Variants in TMEM245 observed in about 807,000 individuals in gnomAD.
The protein encoded by TMEM245 is protein CG-2.
Under a neutral mutation model 101.2 loss-of-function variants are expected in TMEM245, and 69 were observed. That is an observed-to-expected ratio of 0.68 (90% CI 0.56 to 0.83). The LOEUF (loss-of-function observed/expected upper bound fraction) is 0.83. Ranked by LOEUF, TMEM245 falls within the 40% of genes least tolerant of loss-of-function variation. The pLI, the probability that TMEM245 is intolerant of heterozygous loss-of-function variation, is 0.00. For missense variants in TMEM245, 1,075 were observed against 1,092.8 expected (o/e 0.98, Z 0.23); for synonymous variants, 537 against 449.8 (o/e 1.19, Z -2.45).
intron 17 of TMEM245, among the ~76,000 whole-genome samples, chr9:109,029,757 C>CAGCA (rs1025421222): frequency 1.9e-4 from 29 of 152,304 alleles, no homozygotes; most frequent in Admixed American, 9.1e-4. Flanking sequence ...GCCAAAAGGA[C>CAGCA]AGCACTCCAC....
chr9:109,095,498 T>G (rs1362456277), intron 3 of TMEM245, among the ~76,000 whole-genome samples: 1 of 152,180 alleles, frequency 6.6e-6, no homozygotes, highest in African/African-American at 2.4e-5. Context: ...TCAGTGTGTC[T>G]GGAACACAGA....
chr9:109,059,451 C>G (rs1828942175), intron 11 of TMEM245, among the ~76,000 whole-genome samples: 1 of 152,104 alleles, frequency 6.6e-6, no homozygotes, highest in South Asian at 2.1e-4. Context: ...CTCCTGCTAG[C>G]CCACAGGCCC....
chr9:109,051,826 C>A (rs903531531), intron 12 of TMEM245, among the ~76,000 whole-genome samples: 1 of 152,186 alleles, frequency 6.6e-6, no homozygotes, highest in Non-Finnish European at 1.5e-5. Flanking sequence ...GCCTAGCCCC[C>A]ACCCTTGCCA....
rs1026731294 is a variant in TMEM245 at position 109,092,545 on chromosome 9, A to C, written c.916+930T>G. Among the ~76,000 whole-genome samples, 33 of 152,250 alleles carry C rather than the reference A, an allele frequency of 2.2e-4. 1 individual carries two copies. The highest frequency in any genetic ancestry group is 1.6e-4 in the Non-Finnish European group (11 of 68,044). On this transcript the variant is annotated intron_variant, in intron 4 of 17. Coordinates refer to ENST00000374586, the MANE Select transcript of TMEM245 (RefSeq NM_032012.4). ...GATGGTGGGTGTGACAGATATTTGG[A>C]AGAATGAGTCCAAAACCAAAATATC...
intron 12 of TMEM245, among the ~76,000 whole-genome samples, chr9:109,051,470 T>C (rs987390221): frequency 6.6e-6 from 1 of 152,192 alleles, no homozygotes; most frequent in East Asian, 1.9e-4. Context: ...AGTGTACTGA[T>C]ACAAACCTAA....
At chr9:109,076,779 C>T (rs1176953342) in intron 8 of TMEM245, among the ~76,000 whole-genome samples, 3 of 152,194 alleles carry the variant, frequency 2.0e-5, no homozygotes, top group Non-Finnish European at 2.9e-5. Flanking sequence ...CAGTCTCCAC[C>T]TCCAAGGCTC....
intron 14 of TMEM245, among the ~76,000 whole-genome samples, chr9:109,041,826 G>A (rs1828318079): frequency 6.6e-6 from 1 of 151,882 alleles, no homozygotes; most frequent in Non-Finnish European, 1.5e-5. Context: ...TAAATATATA[G>A]CATTCATTTT....
intron 12 of TMEM245, among the ~76,000 whole-genome samples, chr9:109,052,445 A>G (rs1010497889): frequency 1.3e-5 from 2 of 152,216 alleles, no homozygotes; most frequent in African/African-American, 4.8e-5. Flanking sequence ...GCCCTTCCCA[A>G]AACAGCAGTT....
intron 8 of TMEM245, among the ~76,000 whole-genome samples, chr9:109,075,392 AGT>A (rs1264036681): frequency 6.6e-6 from 1 of 152,174 alleles, no homozygotes; most frequent in East Asian, 1.9e-4. Context: ...TGAGCTGACA[AGT>A]GTTACTTCTT....
At chr9:109,080,520 A>T (rs563152869) in intron 8 of TMEM245, among the ~76,000 whole-genome samples, 1 of 152,212 alleles carries the variant, frequency 6.6e-6, no homozygotes, top group Non-Finnish European at 1.5e-5. Context: ...ATTAGAATTC[A>T]TAAGACCAGA....
At position 109,069,478 on chromosome 9, in the gene TMEM245, T is replaced by C. The variant is rs546990786; in HGVS notation, c.1532+3878A>G. 3.9e-5 allele frequency among the ~76,000 whole-genome samples: 6 copies of C among 152,264 alleles called. No individual in the cohort carries two copies. In the South Asian group the frequency reaches 1.2e-3, roughly 32 times the overall value. ...CCCATTCTCCTTTTAAAATGTATTA[T>C]ATCCAAAGAGCCAGAGGACAGAAGA... On this transcript the variant is annotated intron_variant, in intron 9 of 17. Transcript: ENST00000374586.
intron 14 of TMEM245, among the ~76,000 whole-genome samples, chr9:109,040,835 T>G (rs1200014679): frequency 1.3e-5 from 2 of 152,118 alleles, no homozygotes; most frequent in African/African-American, 2.4e-5. Context: ...GCTTATCCAT[T>G]CACCAGCTGA....
At chr9:109,037,975 T>C in intron 15 of TMEM245, 42 bp downstream of exon 15, 2 of 1,482,252 alleles carry the variant, frequency 1.3e-6, no homozygotes, top group Non-Finnish European at 1.8e-6. Context: ...GGCTTAACTT[T>C]CCTTAAATAG....
rs1379283488 is a variant in TMEM245, at chr9:109,119,833, G to A, written c.81C>T (p.Val27=). 2.2e-6 allele frequency: 3 copies of A among 1,354,906 alleles called. No homozygotes were observed. Among genetic ancestry groups the A allele is most frequent in the South Asian group, 1.9e-5 (1 of 52,502 alleles). The allele number at this position is 1,354,906 out of a possible 1,614,324, so 83.9% of individuals were successfully genotyped here. Residue 27 remains valine, a synonymous_variant, in exon 1 of 18, where the codon GTC becomes GTT. Transcript: ENST00000374586. The part of the protein sequence containing the change: ...PGPAPRVPRA[V]GPSGGGGETP... ...TCTCCCCGCCACCGCCACTCGGCCC[G>A]ACCGCGCGCGGGACCCGCGGCGCCG...
chr9:109,087,331 T>C lies in TMEM245; in HGVS notation c.1162A>G (p.Lys388Glu), dbSNP rs765155394. 6.3e-7 allele frequency: 1 copy of C among 1,599,632 alleles called. No individual in the cohort carries two copies. The highest frequency in any genetic ancestry group is 1.4e-5 in the African/African-American group (1 of 73,962). Residue 388 changes from lysine to glutamate, a missense_variant, in exon 6 of 18, where the codon AAA becomes GAA. Physicochemically the swap from Lys to Glu is moderately conservative, Grantham distance 56. This residue lies in a region of TMEM245 where 808 missense variants were observed against 741.5 expected (regional missense o/e 1.09). Transcript: ENST00000374586. ...ACTCCAAAGTGAATGACAAGCTTTT[T>C]GAGTATCCAGACTAAAAAAAGACAA... is the stretch of plus-strand genomic sequence containing the variant. ...LPVPIAVWIL[K>E]KLVIHFGVVD...
chr9:109,078,374 A>T (rs1177532847), intron 8 of TMEM245, among the ~76,000 whole-genome samples: 1 of 152,184 alleles, frequency 6.6e-6, no homozygotes, highest in African/African-American at 2.4e-5. Context: ...GATCCAGATT[A>T]TTTCTGGAGT....
chr9:109,031,588 A>G (rs978655368), intron 17 of TMEM245, among the ~76,000 whole-genome samples: 2 of 152,354 alleles, frequency 1.3e-5, no homozygotes, highest in Admixed American at 6.5e-5. Flanking sequence ...GACTATGGTT[A>G]GAGTATCAGC....
At chr9:109,024,695 G>A (rs1827744722) in intron 17 of TMEM245, among the ~76,000 whole-genome samples, 1 of 152,200 alleles carries the variant, frequency 6.6e-6, no homozygotes, top group Non-Finnish European at 1.5e-5. Flanking sequence ...GTTCTTTACA[G>A]AGGGGACAAC....
intron 5 of TMEM245, 23 bp from the exon 6 acceptor site, chr9:109,087,365 T>C: frequency 2.6e-6 from 4 of 1,565,586 alleles, no homozygotes; most frequent in Non-Finnish European, 3.4e-6. Context: ...AAAAAATACA[T>C]ATATAAACAA....
Sources: gnomAD v4.1 joint callset for allele counts (sites outside exome capture counted in the v4.1 genomes callset) on GRCh38, gnomAD v4.1.1 for gene constraint, gnomAD v4.1.1 regional missense constraint, MANE v1.5 for transcripts, NCBI Gene and HGNC (gene_info 2026-07-23, HGNC 2026-07-21) for gene names.